AIG1: variants seen among roughly 807,000 people sequenced by gnomAD.
AIG1 encodes androgen induced 1.
AIG1 carries 23 observed loss-of-function variants against 31.4 expected under a neutral mutation model. The ratio of observed to expected loss-of-function variants is 0.73; its 90% CI spans 0.53 to 1.04. AIG1 has a LOEUF of 1.04. AIG1 is among the 50% of genes least tolerant of loss of function. The pLI is 0.00. For missense variants in AIG1, 274 were observed against 295.0 expected (o/e 0.93, Z 0.52); for synonymous variants, 100 against 110.5 (o/e 0.90, Z 0.60).
At chr6:143,119,684 AGTAAGG>A (rs1782076763) in intron 1 of AIG1, among the ~76,000 whole-genome samples, 1 of 152,158 alleles carries the variant, frequency 6.6e-6, no homozygotes, top group Non-Finnish European at 1.5e-5. Flanking sequence ...TTCTTCCTGG[AGTAAGG>A]ACCTTGGGAA....
At chr6:143,146,966 A>G (rs889977742) in intron 2 of AIG1, among the ~76,000 whole-genome samples, 2 of 152,194 alleles carry the variant, frequency 1.3e-5, no homozygotes, top group African/African-American at 4.8e-5. Context: ...TCAGGTGGGA[A>G]GGTGGGAAGA....
chr6:143,107,082 C>T (rs997046346), intron 1 of AIG1, among the ~76,000 whole-genome samples: 3 of 152,134 alleles, frequency 2.0e-5, no homozygotes, highest in Non-Finnish European at 4.4e-5. Context: ...AGTTCTTCGT[C>T]TCCCTAAGTC....
intron 3 of AIG1, among the ~76,000 whole-genome samples, chr6:143,264,752 A>G (rs933030513): frequency 1.3e-5 from 2 of 152,234 alleles, no homozygotes; most frequent in Admixed American, 6.5e-5. Flanking sequence ...CTGTAAAGCA[A>G]TGAAACAATA....
At chr6:143,103,310 G>T (rs959908802) in intron 1 of AIG1, among the ~76,000 whole-genome samples, 3 of 151,994 alleles carry the variant, frequency 2.0e-5, no homozygotes, top group Non-Finnish European at 4.4e-5. Flanking sequence ...ATTATTGTTG[G>T]ATTCTAAGGT....
At chr6:143,273,339 A>G (rs1796671621) in intron 3 of AIG1, among the ~76,000 whole-genome samples, 1 of 152,158 alleles carries the variant, frequency 6.6e-6, no homozygotes, top group Admixed American at 6.5e-5. Context: ...GCTGTGAATG[A>G]TGTTTCATTT....
At chr6:143,257,450 G>A (rs1231314848) in intron 3 of AIG1, among the ~76,000 whole-genome samples, 2 of 152,230 alleles carry the variant, frequency 1.3e-5, no homozygotes, top group Non-Finnish European at 2.9e-5. Flanking sequence ...ATAAACGCTT[G>A]TGAATCTTTA....
chr6:143,172,087 C>T (rs1787694308), intron 3 of AIG1, among the ~76,000 whole-genome samples: 1 of 151,928 alleles, frequency 6.6e-6, no homozygotes, highest in Admixed American at 6.6e-5. Flanking sequence ...GATATTGGTC[C>T]TTTGTCAGAA....
chr6:143,196,473 G>A (rs2128602836), intron 3 of AIG1, among the ~76,000 whole-genome samples: 1 of 152,038 alleles, frequency 6.6e-6, no homozygotes, highest in Admixed American at 6.6e-5. Flanking sequence ...GAAATCTGAT[G>A]TGGATATTTA....
intron 2 of AIG1, among the ~76,000 whole-genome samples, chr6:143,146,099 A>C (rs1482643419): frequency 6.6e-6 from 1 of 152,182 alleles, no homozygotes; most frequent in East Asian, 1.9e-4. Context: ...CAAGAGATTC[A>C]GACAACGGGT....
chr6:143,142,412 T>C (rs1399548076), intron 2 of AIG1, among the ~76,000 whole-genome samples: 7 of 152,202 alleles, frequency 4.6e-5, no homozygotes, highest in African/African-American at 1.7e-4. Flanking sequence ...GTGCATCCTA[T>C]TCATTTGTAG....
At chr6:143,190,475 T>G (rs1157949224) in intron 3 of AIG1, 1 of 985,322 alleles carries the variant, frequency 1.0e-6, no homozygotes, top group Non-Finnish European at 1.2e-6. Flanking sequence ...TTATTTAGTC[T>G]GATCAGACAA....
chr6:143,174,890 T>C (rs1239901507), intron 3 of AIG1, among the ~76,000 whole-genome samples: 1 of 152,226 alleles, frequency 6.6e-6, no homozygotes, highest in Non-Finnish European at 1.5e-5. Context: ...CATTGTGTTA[T>C]TGTTTTATAG....
At chr6:143,184,643 T>C (rs976561734) in intron 3 of AIG1, among the ~76,000 whole-genome samples, 1 of 152,202 alleles carries the variant, frequency 6.6e-6, no homozygotes, top group Non-Finnish European at 1.5e-5. Context: ...CCATGTCTGC[T>C]TTAGTTTAAG....
intron 3 of AIG1, 119 bp from the exon 4 acceptor site, chr6:143,283,991 C>A: frequency 1.6e-6 from 1 of 626,558 alleles, no homozygotes; most frequent in Non-Finnish European, 2.7e-6. Context: ...GAGCCATAGA[C>A]TTCTTTCTGC....
chr6:143,170,705 T>C (rs940797765), intron 3 of AIG1, among the ~76,000 whole-genome samples: 5 of 151,960 alleles, frequency 3.3e-5, no homozygotes, highest in African/African-American at 2.4e-5. Context: ...CTTTTCTAGT[T>C]CCTTGAGGTG....
chr6:143,283,622 A>G (rs1797495855), intron 3 of AIG1, among the ~76,000 whole-genome samples: 1 of 152,248 alleles, frequency 6.6e-6, no homozygotes, highest in Non-Finnish European at 1.5e-5. Context: ...GGAGTTCTCC[A>G]AAGCTATGGT....
intron 2 of AIG1, among the ~76,000 whole-genome samples, chr6:143,150,679 G>C (rs1010449228): frequency 1.3e-5 from 2 of 152,048 alleles, no homozygotes; most frequent in African/African-American, 4.8e-5. Flanking sequence ...TGTGCTTGAA[G>C]AGTCTCAAGC....
intron 1 of AIG1, among the ~76,000 whole-genome samples, chr6:143,104,310 A>T (rs151007379): frequency 1.6e-4 from 24 of 152,326 alleles, no homozygotes; most frequent in African/African-American, 5.3e-4. Context: ...TATTCCTCTC[A>T]TCCCTTCACA....
At position 143,220,948 on chromosome 6, in the gene AIG1, G is replaced by A. The variant is rs191568334; in HGVS notation, c.399+55765G>A. 1.2e-4 allele frequency among the ~76,000 whole-genome samples: 18 copies of A among 152,220 alleles called. No individual in the cohort carries two copies. In the East Asian group the frequency reaches 2.3e-3, roughly 20 times the overall value. Reference sequence around the variant, plus strand: ...TCTAGCTGCCAAGTAGAGAAAGTACGTGGCCTAAGAATGGACTTGGGGTCT... The same window carrying A: ...TCTAGCTGCCAAGTAGAGAAAGTACATGGCCTAAGAATGGACTTGGGGTCT... On this transcript the variant is annotated intron_variant, in intron 3 of 5. Transcript: ENST00000357847.
Sources: gnomAD v4.1 joint callset for allele counts (sites outside exome capture counted in the v4.1 genomes callset) on GRCh38, gnomAD v4.1.1 for gene constraint, MANE v1.5 for transcripts, NCBI Gene and HGNC (gene_info 2026-07-23, HGNC 2026-07-21) for gene names.